The following TPRG1 variants were observed in gnomAD, a reference collection of about 807,000 sequenced individuals.
TPRG1 encodes the protein tumor protein p63 regulated 1.
In TPRG1, 29 loss-of-function variants were observed where a neutral mutation model predicts 29.3. The ratio of observed to expected loss-of-function variants is 0.99; its 90% CI spans 0.74 to 1.35. The LOEUF (loss-of-function observed/expected upper bound fraction) is 1.35, where lower values mean the gene tolerates loss of function less well. Among genes scored for constraint, TPRG1 ranks in the 40% most tolerant of loss-of-function variants. The probability of loss-of-function intolerance (pLI) is 0.00; values close to 1 mark genes in which losing one functional copy is unlikely to be tolerated. For synonymous variants in TPRG1, 130 were observed against 116.8 expected (o/e 1.11, Z -0.73); for missense variants, 327 against 335.0 (o/e 0.98, Z 0.19).
At chr3:189,236,646 G>T (rs1739492300) in intron 3 of TPRG1, among the ~76,000 whole-genome samples, 1 of 152,120 alleles carries the variant, frequency 6.6e-6, no homozygotes, top group African/African-American at 2.4e-5. Flanking sequence ...GAGTGATTTT[G>T]GCCATAACCT....
chr3:189,043,016 T>C (rs751438020), intron 4 of TPRG1, among the ~76,000 whole-genome samples: 2 of 152,282 alleles, frequency 1.3e-5, no homozygotes, highest in South Asian at 2.1e-4. Flanking sequence ...TGTTCACCCA[T>C]TGTTTATTCT....
chr3:189,323,641 G>C lies in TPRG1; in HGVS notation c.*2821G>C, dbSNP rs1001292460. The stretch of plus-strand genomic sequence containing the variant: ...TCTTACTTGGGATCTTTGTCCTTAA[G>C]CTCAACAGGGAGCCACAACCCAGGG... On this transcript the variant is annotated 3_prime_UTR_variant, in exon 6 of 6. Transcript: ENST00000345063. The C allele has an allele frequency of 1.3e-5, 2 of 152,086 alleles. No individual in the cohort carries two copies. The highest frequency in any genetic ancestry group is 4.8e-5 in the African/African-American group (2 of 41,432). The allele number at this position is 152,086 out of a possible 1,614,324, so 9.4% of individuals were successfully genotyped here.
intron 4 of TPRG1, among the ~76,000 whole-genome samples, chr3:189,295,484 C>G (rs1719739023): frequency 8.5e-6 from 1 of 117,360 alleles, no homozygotes. Flanking sequence ...CTATTGGGTA[C>G]TACTCAGATT....
At chr3:189,181,863 C>T (rs1730270132) in intron 1 of TPRG1, among the ~76,000 whole-genome samples, 1 of 152,094 alleles carries the variant, frequency 6.6e-6, no homozygotes, top group Non-Finnish European at 1.5e-5. Context: ...TGAGACTGGG[C>T]AATTTATGAA....
chr3:189,031,472 G>A (rs1167809904), intron 4 of TPRG1, among the ~76,000 whole-genome samples: 2 of 152,160 alleles, frequency 1.3e-5, no homozygotes, highest in African/African-American at 4.8e-5. Context: ...TAACATCTCT[G>A]GAAGTCAAGA....
At chr3:189,219,704 C>T (rs1429156399) in intron 3 of TPRG1, 2 of 1,263,932 alleles carry the variant, frequency 1.6e-6, no homozygotes, top group African/African-American at 3.1e-5. Flanking sequence ...GTTAAAGAGA[C>T]AGGAGGAGAC....
rs200253874 is a variant in TPRG1 at position 188,997,971 on chromosome 3, G to GA, written c.-1015-2794dup. Among the ~76,000 whole-genome samples, 652 of 151,078 alleles carry GA rather than the reference G, an allele frequency of 4.3e-3. 6 individuals carry two copies. The highest frequency in any genetic ancestry group is 0.014 in the African/African-American group (573 of 41,070). ...AGAATTTAACTTTACCCTTGCCAGA[G>GA]AAAAAAAAATTCACATTCATTCATT... On this transcript the variant is annotated intron_variant, in intron 1 of 10. Transcript: ENST00000433971.
chr3:189,296,015 T>C (rs1450532768), intron 4 of TPRG1, among the ~76,000 whole-genome samples: 1 of 152,202 alleles, frequency 6.6e-6, no homozygotes, highest in Non-Finnish European at 1.5e-5. Context: ...TGGGGCTTTA[T>C]CTCCCTTAAT....
chr3:189,105,802 G>A (rs573240020), intron 1 of TPRG1, among the ~76,000 whole-genome samples: 174 of 152,244 alleles, frequency 1.1e-3, no homozygotes, highest in African/African-American at 4.1e-3. Flanking sequence ...GAGATTAGAA[G>A]CTTACTTTGG....
At chr3:189,019,116 T>C (rs1023163231) in intron 3 of TPRG1, among the ~76,000 whole-genome samples, 6 of 151,486 alleles carry the variant, frequency 4.0e-5, no homozygotes, top group South Asian at 2.1e-4. Flanking sequence ...GCTTATCAGC[T>C]TAAGGAGATT....
chr3:189,158,506 G>A (rs1377062633), intron 5 of TPRG1, among the ~76,000 whole-genome samples: 6 of 152,098 alleles, frequency 3.9e-5, no homozygotes. Flanking sequence ...CTACCCAGGA[G>A]GCTGAGGCAG....
intron 1 of TPRG1, among the ~76,000 whole-genome samples, chr3:189,123,104 TAAAAC>T (rs1351305074): frequency 6.6e-6 from 1 of 152,220 alleles, no homozygotes; most frequent in Non-Finnish European, 1.5e-5. Flanking sequence ...GCTAATTAAT[TAAAAC>T]AAATAACATT....
chr3:189,155,827 T>C (rs1316492214), intron 5 of TPRG1, among the ~76,000 whole-genome samples: 2 of 151,694 alleles, frequency 1.3e-5, no homozygotes, highest in Non-Finnish European at 2.9e-5. Flanking sequence ...TTAGCAGGGG[T>C]TGGAGGGTGA....
intron 4 of TPRG1, among the ~76,000 whole-genome samples, chr3:189,149,005 T>A (rs1467162034): frequency 6.6e-6 from 1 of 152,254 alleles, no homozygotes; most frequent in African/African-American, 2.4e-5. Flanking sequence ...TGTGACTATC[T>A]CTGCTCTGGT....
chr3:189,312,662 C>T (rs1722898644), intron 5 of TPRG1, among the ~76,000 whole-genome samples: 1 of 152,156 alleles, frequency 6.6e-6, no homozygotes, highest in South Asian at 2.1e-4. Context: ...AGAAATAACA[C>T]TGTCACATTC....
chr3:189,316,633 A>G (rs1056041925), intron 5 of TPRG1, among the ~76,000 whole-genome samples: 1 of 152,160 alleles, frequency 6.6e-6, no homozygotes, highest in Non-Finnish European at 1.5e-5. Flanking sequence ...TAATTGGTGG[A>G]AAGTCAAGAA....
At chr3:189,120,001 T>C (rs1289594025) in intron 1 of TPRG1, among the ~76,000 whole-genome samples, 3 of 152,180 alleles carry the variant, frequency 2.0e-5, no homozygotes, top group East Asian at 1.9e-4. Context: ...CATGAGCAAG[T>C]TGTCAAGTGT....
chr3:189,194,542 G>A (rs1732223187), intron 1 of TPRG1, among the ~76,000 whole-genome samples: 1 of 152,142 alleles, frequency 6.6e-6, no homozygotes, highest in Non-Finnish European at 1.5e-5. Flanking sequence ...GTGACTCTGA[G>A]GCATCTCCTA....
At chr3:189,085,263 C>T (rs191369229) in intron 4 of TPRG1, among the ~76,000 whole-genome samples, 17 of 152,324 alleles carry the variant, frequency 1.1e-4, no homozygotes, top group Non-Finnish European at 1.9e-4. Context: ...GTGTGTCAGT[C>T]TGTCAATGAG....
Sources: allele counts gnomAD v4.1 joint callset (sites outside exome capture counted in the v4.1 genomes callset), GRCh38; gene constraint gnomAD v4.1.1; transcripts MANE v1.5; gene names NCBI Gene and HGNC (gene_info 2026-07-23, HGNC 2026-07-21).